SMOC2: variants seen among roughly 807,000 people sequenced by gnomAD.
The protein encoded by SMOC2 is SPARC related modular calcium binding 2.
SMOC2 carries 39 observed loss-of-function variants against 61.4 expected under a neutral mutation model. The ratio of observed to expected loss-of-function variants is 0.64; its 90% CI spans 0.49 to 0.83. The LOEUF (loss-of-function observed/expected upper bound fraction) is 0.83. Ranked by LOEUF, SMOC2 falls within the 40% of genes least tolerant of loss-of-function variation. SMOC2 has a pLI of 0.00. For synonymous variants in SMOC2, 247 were observed against 239.9 expected (o/e 1.03, Z -0.27); for missense variants, 556 against 592.9 (o/e 0.94, Z 0.65).
At chr6:168,547,224 T>C (rs1379882400) in intron 6 of SMOC2, 55 bp downstream of exon 6, 1 of 1,510,502 alleles carries the variant, frequency 6.6e-7, no homozygotes, top group Non-Finnish European at 9.2e-7. Flanking sequence ...CGAGGGACGG[T>C]ATGGAGCTGG....
At chr6:168,528,140 G>T (rs967985004) in intron 4 of SMOC2, among the ~76,000 whole-genome samples, 2 of 152,176 alleles carry the variant, frequency 1.3e-5, no homozygotes, top group Non-Finnish European at 2.9e-5. Flanking sequence ...AAGAAAAATG[G>T]GTCTTTCTTC....
intron 7 of SMOC2, among the ~76,000 whole-genome samples, chr6:168,565,829 T>C (rs1202498884): frequency 6.6e-6 from 1 of 152,170 alleles, no homozygotes; most frequent in African/African-American, 2.4e-5. Flanking sequence ...ATAGGAATGC[T>C]TGTGATGTCT....
At chr6:168,551,422 A>G (rs1052137896) in intron 7 of SMOC2, among the ~76,000 whole-genome samples, 2 of 140,060 alleles carry the variant, frequency 1.4e-5, no homozygotes, top group Admixed American at 1.5e-4. Context: ...AATATACTTT[A>G]TTTTATTTAT....
At chr6:168,489,193 G>A (rs1055621444) in intron 1 of SMOC2, among the ~76,000 whole-genome samples, 4 of 146,630 alleles carry the variant, frequency 2.7e-5, no homozygotes, top group African/African-American at 5.1e-5. Context: ...GCATCACACT[G>A]TTTTAGAATG....
chr6:168,549,224 A>G (rs373937982), intron 7 of SMOC2, 21 bp downstream of exon 7: 1 of 1,607,774 alleles, frequency 6.2e-7, no homozygotes, highest in African/African-American at 1.3e-5. Flanking sequence ...GCCTGATGTC[A>G]CTTTGTAAGG....
intron 1 of SMOC2, among the ~76,000 whole-genome samples, chr6:168,479,163 C>T (rs558076890): frequency 1.3e-5 from 2 of 151,806 alleles, no homozygotes; most frequent in African/African-American, 2.4e-5. Context: ...GACCCTGTCT[C>T]GGGAAAAGGA....
At chr6:168,579,861 C>T (rs756118811) in intron 7 of SMOC2, among the ~76,000 whole-genome samples, 2 of 152,174 alleles carry the variant, frequency 1.3e-5, no homozygotes, top group Non-Finnish European at 2.9e-5. Context: ...GGAATCAGGG[C>T]TAACTTCGAC....
intron 1 of SMOC2, among the ~76,000 whole-genome samples, chr6:168,489,880 A>C (rs1260460995): frequency 6.6e-6 from 1 of 152,120 alleles, no homozygotes; most frequent in Non-Finnish European, 1.5e-5. Context: ...ACAGTTTTAG[A>C]GTGAAATATA....
At position 168,452,758 on chromosome 6, in the gene SMOC2, T is replaced by C. The variant is rs1477381562; in HGVS notation, c.84+11304T>C. 6.6e-6 allele frequency among the ~76,000 whole-genome samples: 1 copy of C among 152,374 alleles called. No homozygotes were observed. Among genetic ancestry groups the C allele is most frequent in the East Asian group, 1.9e-4 (1 of 5,182 alleles). On this transcript the variant is annotated intron_variant, in intron 1 of 12. Transcript: ENST00000356284. The surrounding 1 kb of genome is among the most constrained non-coding windows in gnomAD (Gnocchi z 5.0). ...TTTCTACTACCTTTTAATTTCGTTT[T>C]GTTTTGTTAAATTCCAAACATATCT... is the stretch of plus-strand genomic sequence containing the variant.
intron 4 of SMOC2, among the ~76,000 whole-genome samples, chr6:168,531,973 G>T (rs1583086212): frequency 6.6e-6 from 1 of 152,200 alleles, no homozygotes; most frequent in African/African-American, 2.4e-5. Context: ...ATGGCAAATG[G>T]TGTGGTGCCT....
At position 168,602,760 on chromosome 6, in the gene SMOC2, G is replaced by A. The variant is rs181127274; in HGVS notation, c.824+3756G>A. Among the ~76,000 whole-genome samples, 712 of 152,360 alleles carry A rather than the reference G, an allele frequency of 4.7e-3. 3 individuals are homozygous for A. Among genetic ancestry groups the A allele is most frequent in the Non-Finnish European group, 8.5e-3 (580 of 68,036 alleles). On this transcript the variant is annotated intron_variant, in intron 8 of 12. Coordinates refer to ENST00000356284, the MANE Select transcript of SMOC2 (RefSeq NM_001166412.2). ...GGTAGACACAAAGATGGTAGAGGTG[G>A]TGGGGCAAGACCAGGGCTGGGCCCA...
chr6:168,622,337 G>C (rs1235461944), intron 9 of SMOC2, among the ~76,000 whole-genome samples: 1 of 151,970 alleles, frequency 6.6e-6, no homozygotes, highest in Non-Finnish European at 1.5e-5. Context: ...GGCTGCACAG[G>C]AGTATCAGAG....
chr6:168,621,105 A>G (rs955068204), intron 9 of SMOC2, among the ~76,000 whole-genome samples: 1 of 149,794 alleles, frequency 6.7e-6, no homozygotes, highest in Non-Finnish European at 1.5e-5. Context: ...ATTAAGGACA[A>G]TCTTTCAGAA....
At position 168,522,645 on chromosome 6, in the gene SMOC2, C is replaced by T. The variant is rs116339040; in HGVS notation, c.257-3701C>T. Among the ~76,000 whole-genome samples, 56 of 152,016 alleles carry T rather than the reference C, an allele frequency of 3.7e-4. No individual in the cohort carries two copies. The East Asian group carries it at 5.0e-3, about 14-fold the overall frequency. ...GATGGTGTAGACATGCATGAACACA[C>T]GTACATGAACCTTGAAATCATCATG... On this transcript the variant is annotated intron_variant, in intron 2 of 12. Coordinates refer to ENST00000356284, the MANE Select transcript of SMOC2 (RefSeq NM_001166412.2).
chr6:168,566,054 A>G (rs1310110958), intron 7 of SMOC2, among the ~76,000 whole-genome samples: 1 of 152,144 alleles, frequency 6.6e-6, no homozygotes, highest in Non-Finnish European at 1.5e-5. Context: ...TTTTTTTACT[A>G]TTTTTATGGG....
Position 168,441,423 on chromosome 6 carries a change from C to T in SMOC2, c.53C>T (p.Pro18Leu), listed in dbSNP as rs1267031394. The change falls in exon 1 of 13, where the codon CCG (proline) becomes CTG (leucine). Residue 18 changes from proline to leucine, a missense_variant. Pro to Leu is a moderately conservative substitution (Grantham distance 98, BLOSUM62 -3). Coordinates refer to ENST00000356284, the MANE Select transcript of SMOC2 (RefSeq NM_001166412.2). The part of the protein sequence containing the change: ...WLPLLAGLLP[P>L]VPAQKFSALT... ...CCGCTGCTCGCTGGGCTGCTCCCGCCGGTGCCCGCTCAGAAGTTCTCGGCG... is the reference window on the plus strand; with the variant it reads ...CCGCTGCTCGCTGGGCTGCTCCCGCTGGTGCCCGCTCAGAAGTTCTCGGCG... 4 of 1,510,074 alleles carry T rather than the reference C, an allele frequency of 2.6e-6. No individual in the cohort carries two copies. In the African/African-American group the frequency reaches 4.4e-5, roughly 16 times the overall value. The allele number at this position is 1,510,074 out of a possible 1,614,324, so 93.5% of individuals were successfully genotyped here.
intron 4 of SMOC2, among the ~76,000 whole-genome samples, chr6:168,542,561 C>T (rs1220303276): frequency 6.6e-6 from 1 of 152,124 alleles, no homozygotes; most frequent in Non-Finnish European, 1.5e-5. Context: ...TGATGAGTAC[C>T]TGTTACAGAG....
rs554947676 is a variant in SMOC2, at chr6:168,592,600, C to T, written c.638-6218C>T. 4.5e-5 allele frequency among the ~76,000 whole-genome samples: 6 copies of T among 133,596 alleles called. 1 individual carries two copies. The highest frequency in any genetic ancestry group is 1.2e-4 in the African/African-American group (4 of 33,772). 87.6% of individuals were successfully genotyped at this position (133,596 alleles called of 152,430 possible). ...CGAGGGGCATCTTTCTAGAGGATCG[C>T]GGAGCTCCTCCTCCTTCCTGAGGCT... is the stretch of plus-strand genomic sequence containing the variant. On this transcript the variant is annotated intron_variant, in intron 7 of 12. Coordinates refer to ENST00000356284, the MANE Select transcript of SMOC2 (RefSeq NM_001166412.2).
intron 11 of SMOC2, among the ~76,000 whole-genome samples, chr6:168,656,507 TAAAAA>T (rs5881805): frequency 3.2e-3 from 276 of 86,804 alleles, no homozygotes; most frequent in Middle Eastern, 0.011. Context: ...GACTTTGTGT[TAAAAA>T]AAAAAAAAAA....
Sources: allele counts gnomAD v4.1 joint callset (sites outside exome capture counted in the v4.1 genomes callset), GRCh38; gene constraint gnomAD v4.1.1; non-coding constraint Gnocchi (gnomAD v3.1); transcripts MANE v1.5; gene names NCBI Gene and HGNC (gene_info 2026-07-23, HGNC 2026-07-21).